Variants in TRAM1 observed in about 807,000 individuals in gnomAD.
TRAM1 encodes the protein translocating chain-associated membrane protein 1.
Under a neutral mutation model 48.7 loss-of-function variants are expected in TRAM1, and 17 were observed. That is an observed-to-expected ratio of 0.35 (90% CI 0.24 to 0.52). The LOEUF is 0.52. Ranked by LOEUF, TRAM1 falls within the 20% of genes least tolerant of loss-of-function variation. TRAM1 has a pLI of 0.94. For synonymous variants in TRAM1, 182 were observed against 154.0 expected (o/e 1.18, Z -1.34); for missense variants, 351 against 441.5 (o/e 0.79, Z 1.84).
At position 70,583,306 on chromosome 8, in the gene TRAM1, G is replaced by A; in HGVS notation, c.909C>T (p.Ser303=). ...VLAVRIAVLA[S]ICVTQAFMMW... ...TCATAAATGCCTGAGTAACGCAAAT[G>A]GATGCCAGAACAGCGATTCTAAGAA... The change falls in exon 10 of 11, where the codon TCC becomes TCT. Residue 303 remains serine, a synonymous_variant. Transcript: ENST00000262213. 2 of 1,613,442 alleles carry A rather than the reference G, an allele frequency of 1.2e-6. No homozygotes were observed. The highest frequency in any genetic ancestry group is 1.1e-5 in the South Asian group (1 of 90,902).
At chr8:70,600,144 G>C in intron 1 of TRAM1, 62 bp from the exon 2 acceptor site, 1 of 1,312,168 alleles carries the variant, frequency 7.6e-7, no homozygotes, top group Non-Finnish European at 1.1e-6. Flanking sequence ...TAACAGATCG[G>C]GGCAAAAACA....
intron 2 of TRAM1, among the ~76,000 whole-genome samples, chr8:70,599,492 A>G (rs754487581): frequency 6.6e-6 from 1 of 152,226 alleles, no homozygotes; most frequent in Non-Finnish European, 1.5e-5. Context: ...GATTTTTGAA[A>G]TAAAACCTAA....
At position 70,608,284 on chromosome 8, in the gene TRAM1, TG is replaced by T. The variant is rs1338249795; in HGVS notation, c.-86del. 4 of 1,470,800 alleles carry T rather than the reference TG, an allele frequency of 2.7e-6. No individual in the cohort carries two copies. In the African/African-American group the frequency reaches 5.9e-5, roughly 22 times the overall value. 91.1% of individuals were successfully genotyped at this position (1,470,800 alleles called of 1,614,324 possible). A position where few individuals can be genotyped will look rare whatever the true frequency, so the allele number is the denominator to read the frequency against. On this transcript the variant is annotated 5_prime_UTR_variant, in exon 1 of 11. An upstream open reading frame in the 5' UTR loses its in-frame stop. Transcript: ENST00000262213. ...TCACCGACTCGCCGCCGCCTCCCGC[TG>T]GCTGCTCCTCACGGCCCCGCTGCAG... is the stretch of plus-strand genomic sequence containing the variant.
intron 1 of TRAM1, among the ~76,000 whole-genome samples, chr8:70,603,869 TAGA>T (rs67981802): frequency 0.14 from 21,420 of 152,074 alleles, 2,043 homozygotes; most frequent in African/African-American, 0.27. Flanking sequence ...TGAGTTTAAA[TAGA>T]AGAAGAAGAG....
intron 1 of TRAM1, 71 bp downstream of exon 1, chr8:70,608,006 G>A: frequency 6.1e-6 from 9 of 1,474,168 alleles, no homozygotes; most frequent in Non-Finnish European, 8.1e-6. Context: ...GAGAAGCCGG[G>A]GCTGGCATCT....
intron 6 of TRAM1, among the ~76,000 whole-genome samples, chr8:70,590,439 T>C (rs747219670): frequency 2.0e-5 from 3 of 152,242 alleles, no homozygotes; most frequent in African/African-American, 4.8e-5. Flanking sequence ...GAAAAATCCA[T>C]AGAGTTTCTT....
chr8:70,596,950 A>G (rs1321036604), intron 4 of TRAM1, among the ~76,000 whole-genome samples: 1 of 152,116 alleles, frequency 6.6e-6, no homozygotes, highest in African/African-American at 2.4e-5. Context: ...TAAAATTTAC[A>G]TATTACCTAT....
intron 1 of TRAM1, chr8:70,607,049 A>G: frequency 1.1e-6 from 1 of 902,734 alleles, no homozygotes; most frequent in Non-Finnish European, 1.3e-6. Flanking sequence ...GAGAGAGGAG[A>G]CAAAACAAGG....
intron 1 of TRAM1, among the ~76,000 whole-genome samples, chr8:70,602,969 T>C (rs909268422): frequency 6.6e-6 from 1 of 152,170 alleles, no homozygotes; most frequent in East Asian, 1.9e-4. Context: ...TCTGTTATCC[T>C]AGAATTCAGG....
At chr8:70,585,010 T>A (rs1291877080) in intron 8 of TRAM1, among the ~76,000 whole-genome samples, 3 of 152,108 alleles carry the variant, frequency 2.0e-5, no homozygotes, top group Non-Finnish European at 2.9e-5. Flanking sequence ...GGAGGCATCA[T>A]GCTACCTGAC....
intron 5 of TRAM1, among the ~76,000 whole-genome samples, chr8:70,594,925 A>G (rs1817455741): frequency 6.6e-6 from 1 of 152,186 alleles, no homozygotes; most frequent in South Asian, 2.1e-4. Flanking sequence ...CATAACCCAC[A>G]TGTCTATACA....
At chr8:70,597,386 G>A (rs1258803350) in intron 4 of TRAM1, among the ~76,000 whole-genome samples, 2 of 152,046 alleles carry the variant, frequency 1.3e-5, no homozygotes, top group Non-Finnish European at 2.9e-5. Flanking sequence ...AGATACAAAA[G>A]TAAGGCCGGG....
intron 5 of TRAM1, 56 bp from the exon 6 acceptor site, chr8:70,594,646 A>C (rs1000880117): frequency 2.9e-6 from 4 of 1,384,996 alleles, no homozygotes; most frequent in Admixed American, 2.3e-5. Flanking sequence ...TTTTAAAAAA[A>C]AGTAAACAAA....
rs1164018970 is a variant in TRAM1 at position 70,574,520 on chromosome 8, C to T, written c.*412G>A. On this transcript the variant is annotated 3_prime_UTR_variant, in exon 11 of 11. Transcript: ENST00000262213. ...TTGACATCCAACTTTATAGTATTTCCATGTTACCCTGAAAGATAACTTAAA... is the reference window on the plus strand; with the variant it reads ...TTGACATCCAACTTTATAGTATTTCTATGTTACCCTGAAAGATAACTTAAA... 3 of 200,718 alleles carry T rather than the reference C, an allele frequency of 1.5e-5. No individual in the cohort carries two copies. The highest frequency in any genetic ancestry group is 2.0e-5 in the Non-Finnish European group (2 of 99,544). The allele number at this position is 200,718 out of a possible 1,614,324, so 12.4% of individuals were successfully genotyped here.
At chr8:70,575,747 T>C (rs1049427313) in intron 10 of TRAM1, among the ~76,000 whole-genome samples, 13 of 152,158 alleles carry the variant, frequency 8.5e-5, no homozygotes, top group Admixed American at 3.3e-4. Flanking sequence ...ACAGATATCA[T>C]TGAACTGAAT....
In TRAM1 at chr8:70,598,197, A is replaced by G. The variant is rs2132041751; in HGVS notation, c.246T>C (p.Thr82=). 6.2e-7 allele frequency: 1 copy of G among 1,613,478 alleles called. No homozygotes were observed. Among genetic ancestry groups the G allele is most frequent in the Non-Finnish European group, 8.5e-7 (1 of 1,179,696 alleles). Reference sequence around the variant, plus strand: ...TCGCCACTAGCATGTAGAAGAAAACAGTAGCCAAATCTTTGATGCCATAGT... The same window carrying G: ...TCGCCACTAGCATGTAGAAGAAAACGGTAGCCAAATCTTTGATGCCATAGT... The part of the protein sequence containing the change: ...LYYYGIKDLA[T]VFFYMLVAII... Residue 82 remains threonine, a synonymous_variant, in exon 3 of 11, where the codon ACT becomes ACC. Coordinates refer to ENST00000262213, the MANE Select transcript of TRAM1 (RefSeq NM_014294.6).
chr8:70,597,668 CA>C (rs35449323), intron 4 of TRAM1, among the ~76,000 whole-genome samples: 297 of 35,980 alleles, frequency 8.3e-3, no homozygotes, highest in Admixed American at 0.012. Context: ...GACTCTGTCT[CA>C]AAAAAAAAAA....
intron 6 of TRAM1, chr8:70,587,543 C>G (rs1817252261): frequency 5.7e-6 from 1 of 176,858 alleles, no homozygotes; most frequent in Non-Finnish European, 1.2e-5. Flanking sequence ...CAGATAAACT[C>G]AAAATCCCTT....
At chr8:70,575,653 A>G (rs1816931620) in intron 10 of TRAM1, among the ~76,000 whole-genome samples, 1 of 152,198 alleles carries the variant, frequency 6.6e-6, no homozygotes, top group Admixed American at 6.5e-5. Flanking sequence ...CTCTCCAAAA[A>G]TACAAAAGTT....
Sources: allele counts gnomAD v4.1 joint callset (sites outside exome capture counted in the v4.1 genomes callset), GRCh38; gene constraint gnomAD v4.1.1; transcripts MANE v1.5; gene names NCBI Gene and HGNC (gene_info 2026-07-23, HGNC 2026-07-21).